PRSS38: variants seen among roughly 807,000 people sequenced by gnomAD.
PRSS38 encodes the protein serine protease 38, also known as marapsin 2.
In PRSS38, 22 loss-of-function variants were observed where a neutral mutation model predicts 26.8. The observed-to-expected ratio is 0.82, with a 90% CI of 0.59 to 1.17. The LOEUF is 1.17. Ranked by LOEUF, PRSS38 falls within the 50% of genes most tolerant of loss-of-function variation. The pLI, the probability that PRSS38 is intolerant of heterozygous loss-of-function variation, is 0.00. For missense variants in PRSS38, 427 were observed against 422.7 expected (o/e 1.01, Z -0.09); for synonymous variants, 175 against 172.1 (o/e 1.02, Z -0.13).
intron 3 of PRSS38, among the ~76,000 whole-genome samples, chr1:227,842,918 G>A (rs147933062): frequency 3.3e-5 from 5 of 152,284 alleles, no homozygotes; most frequent in Non-Finnish European, 5.9e-5. Flanking sequence ...CAGACAAGTC[G>A]TGGTAAGTAT....
rs1311414246 is a variant in PRSS38, at chr1:227,845,115, T to TGTGGTGGGGCTCCTCCCTATGC, written c.584-336_584-315dup. 1.7e-3 allele frequency among the ~76,000 whole-genome samples: 250 copies of TGTGGTGGGGCTCCTCCCTATGC among 144,214 alleles called. 2 individuals are homozygous for TGTGGTGGGGCTCCTCCCTATGC. The South Asian group carries it at 0.021, about 12-fold the overall frequency. 94.6% of individuals were successfully genotyped at this position (144,214 alleles called of 152,430 possible). A position where few individuals can be genotyped will look rare whatever the true frequency, so the allele number is the denominator to read the frequency against. ...TGTGTGGTCAGGACTCCTCCCTATG[T>TGTGGTGGGGCTCCTCCCTATGC]GTGGTGGGGCTCCTCCCTATGCGTG... On this transcript the variant is annotated intron_variant, in intron 3 of 4. Transcript: ENST00000366757.
chr1:227,819,828 C>T (rs954956343), intron 3 of PRSS38, among the ~76,000 whole-genome samples: 3 of 152,122 alleles, frequency 2.0e-5, no homozygotes, highest in South Asian at 2.1e-4. Flanking sequence ...CAGTGGCTCA[C>T]GCCTGTAATC....
intron 3 of PRSS38, among the ~76,000 whole-genome samples, chr1:227,824,560 T>G (rs547546939): frequency 6.6e-6 from 1 of 152,314 alleles, no homozygotes; most frequent in South Asian, 2.1e-4. Context: ...AATAGGATGA[T>G]TTATATTACT....
In PRSS38 at chr1:227,816,394, C is replaced by A. The variant is rs1430675216; in HGVS notation, c.311+142C>A. On this transcript the variant is annotated intron_variant, in intron 2 of 4. Coordinates refer to ENST00000366757, the Ensembl canonical transcript of PRSS38. The surrounding 1 kb of genome is among the most constrained non-coding windows in gnomAD (Gnocchi z 5.1). Reference sequence around the variant, plus strand: ...ACTGTCGACCCGCGCAAGGCCAGGTCCCCACCAGTGAGGCTGGTCCCCAAA... The same window carrying A: ...ACTGTCGACCCGCGCAAGGCCAGGTACCCACCAGTGAGGCTGGTCCCCAAA... 10 of 868,004 alleles carry A rather than the reference C, an allele frequency of 1.2e-5. No individual in the cohort carries two copies. In the African/African-American group the frequency reaches 1.5e-4, roughly 13 times the overall value. 53.8% of individuals were successfully genotyped at this position (868,004 alleles called of 1,614,324 possible). A position where few individuals can be genotyped will look rare whatever the true frequency, so the allele number is the denominator to read the frequency against.
In PRSS38 at chr1:227,842,228, A is replaced by G. The variant is rs561314168; in HGVS notation, c.584-3242A>G. 7.2e-5 allele frequency among the ~76,000 whole-genome samples: 11 copies of G among 152,282 alleles called. 2 individuals are homozygous for G. The highest frequency in any genetic ancestry group is 2.6e-4 in the African/African-American group (11 of 41,580). On this transcript the variant is annotated intron_variant, in intron 3 of 4. Transcript: ENST00000366757. ...GCAGGCGAATAGTGCCTGCAGGTCT[A>G]TCTGTGATCTATAGGCCCAAGTCAT...
intron 3 of PRSS38, among the ~76,000 whole-genome samples, chr1:227,818,544 G>T (rs540495685): frequency 4.6e-5 from 7 of 151,948 alleles, no homozygotes; most frequent in Non-Finnish European, 7.4e-5. Flanking sequence ...TGGGCTTGAC[G>T]GCATGTGCCT....
intron 3 of PRSS38, among the ~76,000 whole-genome samples, chr1:227,821,789 G>A (rs1478052973): frequency 6.6e-6 from 1 of 152,112 alleles, no homozygotes; most frequent in Admixed American, 6.6e-5. Flanking sequence ...TTGACAGTTT[G>A]ATTATAATGT....
intron 3 of PRSS38, among the ~76,000 whole-genome samples, chr1:227,818,160 G>A (rs1022153714): frequency 2.6e-5 from 4 of 152,050 alleles, no homozygotes; most frequent in Admixed American, 2.0e-4. Flanking sequence ...ATCTTGTCTT[G>A]GTTTTGGTTT....
intron 3 of PRSS38, among the ~76,000 whole-genome samples, chr1:227,820,681 T>C (rs1258422611): frequency 6.6e-6 from 1 of 152,202 alleles, no homozygotes. Flanking sequence ...GATCTGTAGT[T>C]ATATTTTCTT....
intron 3 of PRSS38, among the ~76,000 whole-genome samples, chr1:227,837,601 T>C (rs1407486942): frequency 1.3e-5 from 2 of 152,220 alleles, no homozygotes; most frequent in African/African-American, 2.4e-5. Context: ...TTGTTTATCT[T>C]GGGTCTATGC....
At chr1:227,828,480 A>C (rs370373918) in intron 3 of PRSS38, among the ~76,000 whole-genome samples, 2 of 152,272 alleles carry the variant, frequency 1.3e-5, no homozygotes, top group South Asian at 4.1e-4. Flanking sequence ...CCTCACCTCC[A>C]TGGCACCCCA....
chr1:227,823,453 G>A (rs927163624), intron 3 of PRSS38, among the ~76,000 whole-genome samples: 1 of 151,940 alleles, frequency 6.6e-6, no homozygotes, highest in African/African-American at 2.4e-5. Context: ...TGGGCTCGAA[G>A]GTTGGTTCTA....
chr1:227,833,382 C>T (rs1008025786), intron 3 of PRSS38, among the ~76,000 whole-genome samples: 7 of 152,094 alleles, frequency 4.6e-5, no homozygotes, highest in Admixed American at 1.3e-4. Context: ...ACAAAATTAG[C>T]CGGGCGTGGT....
At chr1:227,839,438 C>T (rs1233879109) in intron 3 of PRSS38, among the ~76,000 whole-genome samples, 1 of 151,478 alleles carries the variant, frequency 6.6e-6, no homozygotes, top group African/African-American at 2.4e-5. Flanking sequence ...CCACTGCACT[C>T]CAGCCTGTAA....
At chr1:227,828,589 T>A (rs1665108218) in intron 3 of PRSS38, among the ~76,000 whole-genome samples, 1 of 152,132 alleles carries the variant, frequency 6.6e-6, no homozygotes, top group Admixed American at 6.5e-5. Context: ...AGCAGTGCCA[T>A]CTCTGCAGTT....
chr1:227,834,579 G>A (rs2102681651), intron 3 of PRSS38, among the ~76,000 whole-genome samples: 1 of 152,220 alleles, frequency 6.6e-6, no homozygotes, highest in South Asian at 2.1e-4. Flanking sequence ...TGAGGCAGGA[G>A]GATCGTTTGA....
At chr1:227,834,609 CA>C in intron 3 of PRSS38, among the ~76,000 whole-genome samples, 1 of 152,050 alleles carries the variant, frequency 6.6e-6, no homozygotes, top group South Asian at 2.1e-4. Context: ...GCAGAGGTTG[CA>C]GTGAGCCGAG....
chr1:227,820,808 T>C (rs1439419335), intron 3 of PRSS38, among the ~76,000 whole-genome samples: 2 of 152,226 alleles, frequency 1.3e-5, no homozygotes, highest in South Asian at 4.1e-4. Context: ...AATTCTTCTT[T>C]AAATATTTGG....
intron 3 of PRSS38, among the ~76,000 whole-genome samples, chr1:227,830,107 T>G (rs998251412): frequency 1.3e-5 from 2 of 152,214 alleles, no homozygotes; most frequent in Admixed American, 1.3e-4. Context: ...TTTTGGATAT[T>G]AAACTCACCT....
Sources: allele counts gnomAD v4.1 joint callset (sites outside exome capture counted in the v4.1 genomes callset), GRCh38; gene constraint gnomAD v4.1.1; non-coding constraint Gnocchi (gnomAD v3.1); transcripts MANE v1.5; gene names NCBI Gene and HGNC (gene_info 2026-07-23, HGNC 2026-07-21).